GNG7: variants seen among roughly 807,000 people sequenced by gnomAD.
The protein encoded by GNG7 is guanine nucleotide-binding protein G(I)/G(S)/G(O) subunit gamma-7.
Under a neutral mutation model 4.0 loss-of-function variants are expected in GNG7, and 1 was observed. That is an observed-to-expected ratio of 0.25 (90% CI 0.09 to 1.18). The LOEUF (loss-of-function observed/expected upper bound fraction) is 1.18. Among genes scored for constraint, GNG7 ranks in the 50% most tolerant of loss-of-function variants. The probability of loss-of-function intolerance (pLI) is 0.50; values close to 1 mark genes in which losing one functional copy is unlikely to be tolerated. For synonymous variants in GNG7, 34 were observed against 36.9 expected (o/e 0.92, Z 0.29); for missense variants, 86 against 91.9 (o/e 0.94, Z 0.26).
intron 2 of GNG7, among the ~76,000 whole-genome samples, chr19:2,569,637 T>C (rs1205637613): frequency 6.6e-6 from 1 of 152,142 alleles, no homozygotes; most frequent in Non-Finnish European, 1.5e-5. Flanking sequence ...TCATACTAAA[T>C]AGGGTCTCTC....
chr19:2,643,792 A>T (rs1044610555), intron 2 of GNG7: 1 of 377,452 alleles, frequency 2.6e-6, no homozygotes, highest in Non-Finnish European at 5.3e-6. Flanking sequence ...ATTCATTTCT[A>T]CAGCTATGCA....
intron 2 of GNG7, among the ~76,000 whole-genome samples, chr19:2,636,236 C>A (rs1982304942): frequency 6.6e-6 from 1 of 152,190 alleles, no homozygotes; most frequent in Non-Finnish European, 1.5e-5. Context: ...GAATTCTCCT[C>A]TGGCCAAACT....
At chr19:2,625,779 G>T (rs1217434881) in intron 2 of GNG7, among the ~76,000 whole-genome samples, 4 of 151,756 alleles carry the variant, frequency 2.6e-5, no homozygotes, top group African/African-American at 9.7e-5. Context: ...TTGGTTTTGG[G>T]GTTTTTTGTT....
chr19:2,524,366 A>G (rs746554800), intron 3 of GNG7, among the ~76,000 whole-genome samples: 5 of 152,242 alleles, frequency 3.3e-5, no homozygotes, highest in Non-Finnish European at 7.3e-5. Flanking sequence ...CATGTATGTC[A>G]ATGATGCACA....
At chr19:2,687,127 G>T (rs1983892334) in intron 1 of GNG7, among the ~76,000 whole-genome samples, 1 of 150,784 alleles carries the variant, frequency 6.6e-6, no homozygotes. Context: ...GCATGATCTT[G>T]GCTCACTGCA....
intron 1 of GNG7, among the ~76,000 whole-genome samples, chr19:2,682,758 G>A (rs1227606788): frequency 2.6e-5 from 4 of 151,472 alleles, no homozygotes; most frequent in African/African-American, 7.3e-5. Context: ...TCCACGCCAT[G>A]AGCCTTGGTT....
In GNG7 at chr19:2,659,191, A is replaced by G. The variant is rs193056476; in HGVS notation, c.-134-12911T>C. ...TCACCGGGTTAGCCAGGATGGTCTC[A>G]ATCTCCTGACCTCGTGATCCGCCCA... On this transcript the variant is annotated intron_variant, in intron 1 of 4. Transcript: ENST00000382159. Among the ~76,000 whole-genome samples the G allele has an allele frequency of 5.0e-3, 761 of 151,952 alleles. 3 individuals carry two copies. The highest frequency in any genetic ancestry group is 8.5e-3 in the South Asian group (41 of 4,822).
intron 2 of GNG7, among the ~76,000 whole-genome samples, chr19:2,588,731 C>T (rs1394207493): frequency 6.6e-6 from 1 of 152,202 alleles, no homozygotes; most frequent in Non-Finnish European, 1.5e-5. Context: ...GTTGGAGTGG[C>T]TCCAAGTCCT....
chr19:2,584,128 G>A (rs892089297), intron 2 of GNG7, among the ~76,000 whole-genome samples: 3 of 151,930 alleles, frequency 2.0e-5, no homozygotes, highest in Non-Finnish European at 4.4e-5. Context: ...AAAGAATTAT[G>A]GCAACGTATC....
At chr19:2,544,500 T>G (rs576587012) in intron 3 of GNG7, among the ~76,000 whole-genome samples, 1 of 152,260 alleles carries the variant, frequency 6.6e-6, no homozygotes, top group African/African-American at 2.4e-5. Flanking sequence ...TTCTCCTGCC[T>G]CAGCCTCCTG....
In GNG7 at chr19:2,609,538, T is replaced by C. The variant is rs1358293926; in HGVS notation, c.-78+36686A>G. ...CTTCCGTGAGCCTTATTTTGGCCAT[T>C]GCTGGAATCCCGTTGTGCAGGACAG... On this transcript the variant is annotated intron_variant, in intron 2 of 4. Coordinates refer to ENST00000382159, the MANE Select transcript of GNG7 (RefSeq NM_052847.3). This position sits in a 1 kb window ranked among gnomAD's most constrained non-coding sequence, Gnocchi z 4.4. Among the ~76,000 whole-genome samples the C allele has an allele frequency of 6.6e-6, 1 of 152,140 alleles. No individual in the cohort carries two copies. Among genetic ancestry groups the C allele is most frequent in the Non-Finnish European group, 1.5e-5 (1 of 68,032 alleles).
Position 2,596,189 on chromosome 19 carries a change from T to A in GNG7, c.-77-41001A>T, listed in dbSNP as rs921787772. 1.1e-4 allele frequency among the ~76,000 whole-genome samples: 16 copies of A among 151,852 alleles called. 1 individual carries two copies. Among genetic ancestry groups the A allele is most frequent in the African/African-American group, 3.6e-4 (15 of 41,304 alleles). Reference sequence around the variant, plus strand: ...GCATGGCCAACATGGTGAAACCCCATCTCTACTGAAAATACAAAAATTAGC... The same window carrying A: ...GCATGGCCAACATGGTGAAACCCCAACTCTACTGAAAATACAAAAATTAGC... On this transcript the variant is annotated intron_variant, in intron 2 of 4. Transcript: ENST00000382159.
Position 2,589,371 on chromosome 19 carries a change from C to CTTTTTTTTT in GNG7, c.-77-34192_-77-34184dup, listed in dbSNP as rs33940288. Among the ~76,000 whole-genome samples, 565 of 100,538 alleles carry CTTTTTTTTT rather than the reference C, an allele frequency of 5.6e-3. 37 individuals carry two copies. In the East Asian group the frequency reaches 0.086, roughly 15 times the overall value. The allele number at this position is 100,538 out of a possible 152,430, so 66.0% of individuals were successfully genotyped here. A position where few individuals can be genotyped will look rare whatever the true frequency, so the allele number is the denominator to read the frequency against. On this transcript the variant is annotated intron_variant, in intron 2 of 4. Transcript: ENST00000382159. ...CCAGGTAGCTGGGACTACAGGTGCA[C>CTTTTTTTTT]TTTTTTTTTTTTTTTTTTTTTTTTA...
chr19:2,690,273 C>G (rs1355755816), intron 1 of GNG7, among the ~76,000 whole-genome samples: 3 of 151,832 alleles, frequency 2.0e-5, no homozygotes, highest in African/African-American at 7.3e-5. Context: ...TCCCAGCTAC[C>G]CGGGAGGCTG....
intron 4 of GNG7, among the ~76,000 whole-genome samples, chr19:2,518,337 G>A (rs189082565): frequency 7.6e-4 from 115 of 152,282 alleles, no homozygotes; most frequent in Middle Eastern, 3.4e-3. Context: ...CGGGCTGGGG[G>A]CTGGCACCCA....
chr19:2,644,257 G>A (rs1982597397), intron 2 of GNG7, among the ~76,000 whole-genome samples: 1 of 136,364 alleles, frequency 7.3e-6, no homozygotes, highest in South Asian at 2.3e-4. Flanking sequence ...CTGACCTCAG[G>A]TGATCCACCT....
At chr19:2,515,494 C>G (rs1972721829) in intron 4 of GNG7, among the ~76,000 whole-genome samples, 1 of 151,574 alleles carries the variant, frequency 6.6e-6, no homozygotes, top group Non-Finnish European at 1.5e-5. Flanking sequence ...GTGGCACGAT[C>G]TCGGCTCACT....
intron 2 of GNG7, among the ~76,000 whole-genome samples, chr19:2,624,260 TG>T (rs1234094867): frequency 6.6e-6 from 1 of 152,020 alleles, no homozygotes; most frequent in East Asian, 1.9e-4. Flanking sequence ...CCGGGCGCGG[TG>T]GCTCACGCCT....
chr19:2,699,075 C>T (rs1255617215), intron 1 of GNG7, among the ~76,000 whole-genome samples: 2 of 151,904 alleles, frequency 1.3e-5, no homozygotes, highest in South Asian at 2.1e-4. Flanking sequence ...CAACTGACAA[C>T]TTCAGGCCAT....
Sources: allele counts gnomAD v4.1 joint callset (sites outside exome capture counted in the v4.1 genomes callset), GRCh38; gene constraint gnomAD v4.1.1; non-coding constraint Gnocchi (gnomAD v3.1); transcripts MANE v1.5; gene names NCBI Gene and HGNC (gene_info 2026-07-23, HGNC 2026-07-21).